Variants in POFUT3 observed in about 807,000 individuals in gnomAD.
POFUT3 encodes the protein GDP-fucose protein O-fucosyltransferase 3.
At chr8:33,430,014 A>G in the POFUT3 span, among the ~76,000 whole-genome samples, 1 of 149,754 alleles carries the variant, frequency 6.7e-6, no homozygotes. Context: ...AAAAAAAAAG[A>G]AAGACTCCAG....
the POFUT3 span, among the ~76,000 whole-genome samples, chr8:33,451,052 C>G: frequency 7.1e-6 from 1 of 140,116 alleles, no homozygotes; most frequent in Admixed American, 7.3e-5. Flanking sequence ...GTACAGTACA[C>G]ACAAAGGAGG....
the POFUT3 span, among the ~76,000 whole-genome samples, chr8:33,309,258 CTGCTTATTATATCAATT>C: frequency 2.9e-5 from 4 of 139,164 alleles, no homozygotes; most frequent in Admixed American, 1.6e-4. Context: ...TTACATCAAT[CTGCTTATTATATCAATT>C]TGCTTATTAT....
the POFUT3 span, chr8:33,394,141 C>T: frequency 5.8e-5 from 11 of 189,886 alleles, no homozygotes; most frequent in East Asian, 1.7e-4. Context: ...ACCGTGATCA[C>T]GCCACTGCAC....
the POFUT3 span, among the ~76,000 whole-genome samples, chr8:33,459,698 G>T: frequency 6.6e-6 from 1 of 151,924 alleles, no homozygotes; most frequent in Non-Finnish European, 1.5e-5. Context: ...ACCTGAATGG[G>T]TGCAAATTCT....
At chr8:33,321,808 T>A in the POFUT3 span, among the ~76,000 whole-genome samples, 1 of 152,140 alleles carries the variant, frequency 6.6e-6, no homozygotes, top group East Asian at 1.9e-4. Context: ...CTGCCAGGTC[T>A]CAGCCTAAAT....
the POFUT3 span, among the ~76,000 whole-genome samples, chr8:33,329,770 G>A: frequency 6.6e-6 from 1 of 152,096 alleles, no homozygotes; most frequent in African/African-American, 2.4e-5. Flanking sequence ...TATAACTGTG[G>A]GATTTTGATA....
chr8:33,441,044 G>T, the POFUT3 span, among the ~76,000 whole-genome samples: 2 of 151,970 alleles, frequency 1.3e-5, no homozygotes, highest in African/African-American at 4.8e-5. Flanking sequence ...TAAATAAATG[G>T]TTCTGGCCGG....
At chr8:33,363,998 G>T in the POFUT3 span, among the ~76,000 whole-genome samples, 5,196 of 152,272 alleles carry the variant, frequency 0.034, 261 homozygotes, top group African/African-American at 0.12. Context: ...TATCCCTGAT[G>T]AACACTGATG....
At chr8:33,461,323 C>T in the POFUT3 span, 4 of 1,551,834 alleles carry the variant, frequency 2.6e-6, no homozygotes, top group Non-Finnish European at 3.5e-6. Context: ...GGTAGGGGGA[C>T]ATGGCAAAGG....
chr8:33,338,556 A>C, the POFUT3 span, among the ~76,000 whole-genome samples: 1 of 152,048 alleles, frequency 6.6e-6, no homozygotes, highest in Non-Finnish European at 1.5e-5. Flanking sequence ...AAAATGAAAC[A>C]CCCTTTCTCC....
chr8:33,327,347 T>G, the POFUT3 span, among the ~76,000 whole-genome samples: 1 of 152,198 alleles, frequency 6.6e-6, no homozygotes, highest in African/African-American at 2.4e-5. Flanking sequence ...AGCACCATTT[T>G]CATAATACTT....
At chr8:33,327,100 T>C in the POFUT3 span, among the ~76,000 whole-genome samples, 1 of 152,112 alleles carries the variant, frequency 6.6e-6, no homozygotes. Flanking sequence ...TTGGTCCCCT[T>C]CTCCTAAAAG....
At chr8:33,352,467 G>A in the POFUT3 span, among the ~76,000 whole-genome samples, 4 of 151,830 alleles carry the variant, frequency 2.6e-5, no homozygotes, top group Non-Finnish European at 5.9e-5. Flanking sequence ...AAGAAAGTGT[G>A]GAGAAGTTAT....
At chr8:33,400,617 A>T in the POFUT3 span, among the ~76,000 whole-genome samples, 2 of 152,172 alleles carry the variant, frequency 1.3e-5, no homozygotes, top group East Asian at 3.8e-4. Flanking sequence ...CTTTGTATTT[A>T]TAGTTAGTGA....
chr8:33,429,676 A>G, the POFUT3 span, among the ~76,000 whole-genome samples: 22 of 151,780 alleles, frequency 1.4e-4, no homozygotes, highest in Non-Finnish European at 2.5e-4. Flanking sequence ...AACAATGAGG[A>G]GAAACACTTG....
chr8:33,369,476 A>G, the POFUT3 span, among the ~76,000 whole-genome samples: 5 of 152,366 alleles, frequency 3.3e-5, no homozygotes, highest in East Asian at 5.8e-4. Flanking sequence ...GAAAATTTCC[A>G]TAATTTATAT....
At chr8:33,390,912 A>G in the POFUT3 span, among the ~76,000 whole-genome samples, 1 of 152,216 alleles carries the variant, frequency 6.6e-6, no homozygotes, top group South Asian at 2.1e-4. Context: ...TGGAGATCCA[A>G]TCAGGGAGAA....
chr8:33,457,084 G>A, the POFUT3 span, among the ~76,000 whole-genome samples: 1 of 151,786 alleles, frequency 6.6e-6, no homozygotes, highest in African/African-American at 2.4e-5. Context: ...TTTTAAGAGT[G>A]AAAAAACAAA....
chr8:33,323,358 G>A, the POFUT3 span, among the ~76,000 whole-genome samples: 1 of 152,172 alleles, frequency 6.6e-6, no homozygotes, highest in African/African-American at 2.4e-5. Flanking sequence ...ACAGTGCGTT[G>A]CACTGCAAAT....
Sources: allele counts gnomAD v4.1 joint callset (sites outside exome capture counted in the v4.1 genomes callset), GRCh38; gene constraint gnomAD v4.1.1; transcripts MANE v1.5; gene names NCBI Gene and HGNC (gene_info 2026-07-23, HGNC 2026-07-21).